The following MACROD2 variants were observed in gnomAD, a reference collection of about 807,000 sequenced individuals.
MACROD2 encodes mono-ADP ribosylhydrolase 2.
In MACROD2, 36 loss-of-function variants were observed where a neutral mutation model predicts 70.4. That is an observed-to-expected ratio of 0.51 (90% CI 0.39 to 0.68). MACROD2 has a LOEUF of 0.68. Ranked by LOEUF, MACROD2 falls within the 30% of genes least tolerant of loss-of-function variation. The probability of loss-of-function intolerance (pLI) is 0.00; values close to 1 mark genes in which losing one functional copy is unlikely to be tolerated. For missense variants in MACROD2, 496 were observed against 538.4 expected, an observed-to-expected ratio of 0.92 and a Z score of 0.78; for synonymous variants, 172 against 178.8, an observed-to-expected ratio of 0.96 and a Z score of 0.30.
intron 5 of MACROD2, among the ~76,000 whole-genome samples, chr20:14,889,665 G>A (rs895003766): frequency 6.6e-6 from 1 of 152,124 alleles, no homozygotes; most frequent in Non-Finnish European, 1.5e-5. Context: ...TAAATCAAAT[G>A]AGCAGAGGGA....
At chr20:15,401,743 A>G (rs2045933222) in intron 6 of MACROD2, among the ~76,000 whole-genome samples, 1 of 152,224 alleles carries the variant, frequency 6.6e-6, no homozygotes, top group African/African-American at 2.4e-5. Context: ...AAGGGCTTTG[A>G]GGCCGACTAT....
chr20:15,453,756 A>ATGT, intron 7 of MACROD2, among the ~76,000 whole-genome samples: 1 of 152,182 alleles, frequency 6.6e-6, no homozygotes, highest in South Asian at 2.1e-4. Context: ...CCAGAGAAAC[A>ATGT]TTCTCCTGTC....
rs150547009 is a variant in MACROD2, at chr20:14,492,310, TAGAC to T, written c.272-1166_272-1163del. ...GAGGGCAATTAGCAAGAGCAACAGT[TAGAC>T]AGTCCCATACTTGGAAGATTATATG... On this transcript the variant is annotated intron_variant, in intron 3 of 17. Transcript: ENST00000684519. Among the ~76,000 whole-genome samples, 936 of 152,316 alleles carry T rather than the reference TAGAC, an allele frequency of 6.1e-3. 18 individuals are homozygous for T. The highest frequency in any genetic ancestry group is 0.021 in the African/African-American group (878 of 41,574).
chr20:15,275,823 T>C (rs2077385984), intron 6 of MACROD2, among the ~76,000 whole-genome samples: 1 of 152,204 alleles, frequency 6.6e-6, no homozygotes, highest in Non-Finnish European at 1.5e-5. Context: ...CAGCAGGCCA[T>C]GTGTGGCTCC....
At chr20:14,615,772 C>T (rs1418440430) in intron 4 of MACROD2, among the ~76,000 whole-genome samples, 2 of 151,994 alleles carry the variant, frequency 1.3e-5, no homozygotes, top group East Asian at 1.9e-4. Flanking sequence ...GATTAGGTAA[C>T]AAGCCAATGA....
At chr20:14,914,810 A>G (rs566168098) in intron 5 of MACROD2, among the ~76,000 whole-genome samples, 1 of 152,340 alleles carries the variant, frequency 6.6e-6, no homozygotes, top group Admixed American at 6.5e-5. Context: ...TCCAAAAATT[A>G]ATTCTTCTAA....
At chr20:15,166,898 ATTAATTTAAGTAT>A (rs1278522410) in intron 5 of MACROD2, among the ~76,000 whole-genome samples, 22 of 150,336 alleles carry the variant, frequency 1.5e-4, no homozygotes, top group East Asian at 5.9e-4. Flanking sequence ...AGTATTAAGT[ATTAATTTAAGTAT>A]TTAATTTAAG....
chr20:14,570,819 C>T (rs553044758), intron 4 of MACROD2, among the ~76,000 whole-genome samples: 50 of 152,090 alleles, frequency 3.3e-4, no homozygotes, highest in African/African-American at 1.2e-3. Flanking sequence ...TTTAAAAACA[C>T]AACTTAGACA....
intron 5 of MACROD2, among the ~76,000 whole-genome samples, chr20:14,879,582 G>A (rs1037410225): frequency 1.4e-4 from 21 of 152,182 alleles, no homozygotes; most frequent in Admixed American, 2.0e-4. Context: ...GAGAGAAGAT[G>A]AGACATAAGC....
intron 10 of MACROD2, among the ~76,000 whole-genome samples, chr20:15,926,907 C>G (rs75795822): frequency 6.6e-6 from 1 of 152,148 alleles, no homozygotes; most frequent in African/African-American, 2.4e-5. Context: ...CACTTTAAAA[C>G]AAACCAGCTA....
At chr20:14,205,424 C>T (rs962092320) in intron 3 of MACROD2, among the ~76,000 whole-genome samples, 1 of 152,164 alleles carries the variant, frequency 6.6e-6, no homozygotes, top group African/African-American at 2.4e-5. Flanking sequence ...TTGCCGGTTG[C>T]CCCCCTTCAC....
At chr20:14,005,450 C>G (rs897627333) in intron 2 of MACROD2, among the ~76,000 whole-genome samples, 1 of 152,062 alleles carries the variant, frequency 6.6e-6, no homozygotes, top group African/African-American at 2.4e-5. Flanking sequence ...TTGTCAGTTG[C>G]TATGTTGTGG....
chr20:14,585,065 C>T (rs1981283649), intron 4 of MACROD2, among the ~76,000 whole-genome samples: 2 of 152,160 alleles, frequency 1.3e-5, no homozygotes, highest in Non-Finnish European at 2.9e-5. Flanking sequence ...GATGTAATTA[C>T]AGCTAAGGAT....
chr20:15,024,414 A>G (rs2075214027), intron 5 of MACROD2, among the ~76,000 whole-genome samples: 1 of 152,168 alleles, frequency 6.6e-6, no homozygotes, highest in South Asian at 2.1e-4. Context: ...GAATGAAATT[A>G]ATATGTATTC....
At chr20:15,438,165 G>A (rs1448647281) in intron 7 of MACROD2, among the ~76,000 whole-genome samples, 2 of 151,194 alleles carry the variant, frequency 1.3e-5, no homozygotes, top group Admixed American at 6.6e-5. Context: ...AAAAAAAAAA[G>A]AATGATTTAT....
At chr20:14,140,047 G>GA (rs1034058367) in intron 3 of MACROD2, among the ~76,000 whole-genome samples, 2 of 152,030 alleles carry the variant, frequency 1.3e-5, no homozygotes, top group East Asian at 1.9e-4. Flanking sequence ...CCAAAAATCT[G>GA]AAAAAAATCA....
intron 6 of MACROD2, among the ~76,000 whole-genome samples, chr20:15,289,727 T>C (rs989686856): frequency 4.6e-5 from 7 of 152,212 alleles, no homozygotes; most frequent in African/African-American, 1.7e-4. Flanking sequence ...AAAAGAGCAC[T>C]TTTATGGGCA....
At chr20:15,423,387 T>A (rs1466341534) in intron 6 of MACROD2, among the ~76,000 whole-genome samples, 1 of 152,212 alleles carries the variant, frequency 6.6e-6, no homozygotes, top group Non-Finnish European at 1.5e-5. Flanking sequence ...ATTGGCCAAA[T>A]CAAGTCACAT....
chr20:16,013,429 T>G (rs2066890109), intron 15 of MACROD2, among the ~76,000 whole-genome samples: 1 of 152,202 alleles, frequency 6.6e-6, no homozygotes, highest in Non-Finnish European at 1.5e-5. Context: ...TACTTTACCT[T>G]GTACCTGTAT....
Sources: allele counts gnomAD v4.1 joint callset (sites outside exome capture counted in the v4.1 genomes callset), GRCh38; gene constraint gnomAD v4.1.1; transcripts MANE v1.5; gene names NCBI Gene and HGNC (gene_info 2026-07-23, HGNC 2026-07-21).